TBC1D14: variants seen among roughly 807,000 people sequenced by gnomAD.
TBC1D14 encodes the protein TBC1 domain family member 14.
In TBC1D14, 26 loss-of-function variants were observed where a neutral mutation model predicts 79.0. That is an observed-to-expected ratio of 0.33 (90% CI 0.24 to 0.46). The LOEUF (loss-of-function observed/expected upper bound fraction) is 0.46, where lower values mean the gene tolerates loss of function less well. Among genes scored for constraint, TBC1D14 ranks in the 20% least tolerant of loss-of-function variants. The probability of loss-of-function intolerance (pLI) is 1.00; values close to 1 mark genes in which losing one functional copy is unlikely to be tolerated. For missense variants in TBC1D14, 769 were observed against 887.6 expected (o/e 0.87, Z 1.70); for synonymous variants, 394 against 349.9 (o/e 1.13, Z -1.40).
chr4:7,024,627 C>T (rs1435600990), intron 12 of TBC1D14, among the ~76,000 whole-genome samples: 2 of 152,194 alleles, frequency 1.3e-5, no homozygotes, highest in Non-Finnish European at 2.9e-5. Context: ...CAGCATTGAG[C>T]CCCATAGCCA....
At chr4:6,935,018 G>A (rs1258026900) in intron 2 of TBC1D14, among the ~76,000 whole-genome samples, 1 of 152,234 alleles carries the variant, frequency 6.6e-6, no homozygotes, top group Admixed American at 6.5e-5. Context: ...GGTCGAGGCT[G>A]CAGTGAGCTG....
chr4:7,007,519 C>G, intron 9 of TBC1D14: 3 of 1,288,964 alleles, frequency 2.3e-6, no homozygotes, highest in African/African-American at 1.5e-5. Flanking sequence ...ACTGCCTTTA[C>G]TCAGGTTCTC....
chr4:6,967,400 G>A lies in TBC1D14; in HGVS notation c.819G>A (p.Gln273=), dbSNP rs1235575625. ...FGKAPLRENA[Q]KDSKRIQKEY... is the part of the protein sequence containing the mutation. ...AAGCGCCACTCCGAGAGAATGCCCA[G>A]AAGGATTCAAAGAGAATACAGAAGG... The change falls in exon 3 of 14, where the codon CAG becomes CAA. Residue 273 remains glutamine (Q), a synonymous_variant. Transcript: ENST00000409757. 1 of 1,613,894 alleles carries A rather than the reference G, an allele frequency of 6.2e-7. No homozygotes were observed. The highest frequency in any genetic ancestry group is 1.7e-5 in the Admixed American group (1 of 59,974).
intron 12 of TBC1D14, among the ~76,000 whole-genome samples, chr4:7,019,587 AC>A (rs558116671): frequency 6.1e-4 from 93 of 152,300 alleles, no homozygotes; most frequent in Middle Eastern, 3.4e-3. Context: ...TCGTTGGCAC[AC>A]CCTGGCCTGG....
intron 1 of TBC1D14, among the ~76,000 whole-genome samples, chr4:6,912,663 G>A (rs1309617931): frequency 1.3e-5 from 2 of 152,196 alleles, no homozygotes; most frequent in African/African-American, 2.4e-5. Flanking sequence ...TGCTAAAATA[G>A]TGGGACTGAG....
At chr4:6,998,968 C>T (rs1388986611) in intron 5 of TBC1D14, 117 bp from the exon 6 acceptor site, 4 of 863,204 alleles carry the variant, frequency 4.6e-6, no homozygotes, top group African/African-American at 3.4e-5. Context: ...AGCTGATGCT[C>T]GCTCTGCTTC....
intron 2 of TBC1D14, among the ~76,000 whole-genome samples, chr4:6,953,278 C>T (rs1324458124): frequency 6.9e-6 from 1 of 144,914 alleles, no homozygotes; most frequent in Non-Finnish European, 1.5e-5. Flanking sequence ...CCACCTCGGC[C>T]TCCCAAAGTG....
At chr4:6,915,359 T>C (rs4234787) in intron 1 of TBC1D14, among the ~76,000 whole-genome samples, 1 of 151,964 alleles carries the variant, frequency 6.6e-6, no homozygotes, top group African/African-American at 2.4e-5. Flanking sequence ...GGTAGGGGGT[T>C]GGGGGTCACT....
At chr4:6,953,762 T>C (rs1178530295) in intron 2 of TBC1D14, among the ~76,000 whole-genome samples, 1 of 151,720 alleles carries the variant, frequency 6.6e-6, no homozygotes, top group East Asian at 2.0e-4. Flanking sequence ...ATGGTTCTAG[T>C]GTAGGTATTT....
intron 3 of TBC1D14, among the ~76,000 whole-genome samples, chr4:6,969,185 T>C (rs918780336): frequency 6.6e-6 from 1 of 152,232 alleles, no homozygotes; most frequent in African/African-American, 2.4e-5. Context: ...GAATCACTTA[T>C]TGTGTAGGCT....
At chr4:6,931,340 C>T (rs1260598270) in intron 2 of TBC1D14, among the ~76,000 whole-genome samples, 1 of 152,208 alleles carries the variant, frequency 6.6e-6, no homozygotes, top group Non-Finnish European at 1.5e-5. Flanking sequence ...TTTCCAGCCA[C>T]TGGTTTACAC....
chr4:6,941,736 T>C (rs1254812818), intron 2 of TBC1D14, among the ~76,000 whole-genome samples: 2 of 152,154 alleles, frequency 1.3e-5, no homozygotes, highest in Non-Finnish European at 2.9e-5. Context: ...CAAGGTTGTT[T>C]TGTGGGATGG....
At chr4:6,966,966 T>C (rs1270224400) in intron 2 of TBC1D14, among the ~76,000 whole-genome samples, 1 of 152,134 alleles carries the variant, frequency 6.6e-6, no homozygotes, top group Non-Finnish European at 1.5e-5. Context: ...CCTGCCACCA[T>C]GCTGGGCTAA....
chr4:6,916,074 C>T (rs1024640247), intron 1 of TBC1D14, among the ~76,000 whole-genome samples: 25 of 150,320 alleles, frequency 1.7e-4, no homozygotes, highest in African/African-American at 5.4e-4. Context: ...TGCAGTGAGC[C>T]GAGATTGTGC....
intron 10 of TBC1D14, 109 bp downstream of exon 10, chr4:7,010,057 G>C (rs889684891): frequency 8.0e-7 from 1 of 1,251,458 alleles, no homozygotes; most frequent in African/African-American, 1.5e-5. Context: ...CGTTTTTGCC[G>C]AGGAGTATGA....
intron 2 of TBC1D14, among the ~76,000 whole-genome samples, chr4:6,935,368 T>C (rs570822375): frequency 3.3e-5 from 5 of 152,282 alleles, no homozygotes; most frequent in African/African-American, 1.2e-4. Context: ...AGCTTTGTCC[T>C]TGAGTTGCAT....
intron 7 of TBC1D14, 55 bp from the exon 8 acceptor site, chr4:7,004,789 G>C (rs752134501): frequency 3.2e-6 from 5 of 1,550,328 alleles, no homozygotes; most frequent in Non-Finnish European, 3.6e-6. Flanking sequence ...TTCTGTGGTG[G>C]TTTTGACGAA....
intron 2 of TBC1D14, among the ~76,000 whole-genome samples, chr4:6,961,758 C>T (rs762505672): frequency 2.6e-5 from 4 of 151,990 alleles, no homozygotes; most frequent in Non-Finnish European, 4.4e-5. Flanking sequence ...GCTGTACCTG[C>T]GGGGTGCCTG....
Position 6,945,706 on chromosome 4 carries a change from G to A in TBC1D14, c.722+21595G>A, listed in dbSNP as rs183698816. ...GGAGGTTGCGGTGAGCCGAGATCGC[G>A]CCATTGCGCTCCAGCCTGGGCAACT... On this transcript the variant is annotated intron_variant, in intron 2 of 13. Transcript: ENST00000409757. 4.6e-3 allele frequency among the ~76,000 whole-genome samples: 607 copies of A among 130,778 alleles called. 5 individuals carry two copies. The highest frequency in any genetic ancestry group is 0.016 in the African/African-American group (542 of 34,494). 85.8% of individuals were successfully genotyped at this position (130,778 alleles called of 152,430 possible).
Sources: allele counts gnomAD v4.1 joint callset (sites outside exome capture counted in the v4.1 genomes callset), GRCh38; gene constraint gnomAD v4.1.1; transcripts MANE v1.5; gene names NCBI Gene and HGNC (gene_info 2026-07-23, HGNC 2026-07-21).